ZNF557: variants seen among roughly 807,000 people sequenced by gnomAD.
ZNF557 encodes the protein zinc finger protein 557.
ZNF557 carries 19 observed loss-of-function variants against 21.2 expected under a neutral mutation model. The ratio of observed to expected loss-of-function variants is 0.90; its 90% CI spans 0.63 to 1.32. The LOEUF (loss-of-function observed/expected upper bound fraction) is 1.32, where lower values mean the gene tolerates loss of function less well. ZNF557 is among the 40% of genes most tolerant of loss of function. The probability of loss-of-function intolerance (pLI) is 0.00; values close to 1 mark genes in which losing one functional copy is unlikely to be tolerated. For missense variants in ZNF557, 487 were observed against 519.8 expected (o/e 0.94, Z 0.61); for synonymous variants, 207 against 194.8 (o/e 1.06, Z -0.52).
Position 7,081,985 on chromosome 19 carries a change from T to A in ZNF557, c.359T>A (p.Phe120Tyr). 8 of 1,613,888 alleles carry A rather than the reference T, an allele frequency of 5.0e-6. No homozygotes were observed. Among genetic ancestry groups the A allele is most frequent in the Non-Finnish European group, 6.8e-6 (8 of 1,179,806 alleles). ...SGTCPDVENPFKAKGLTPKLH... is the reference protein window; with the variant it reads ...SGTCPDVENPYKAKGLTPKLH... ...CTTGTTTCAGATGTGGAGAATCCAT[T>A]TAAAGCCAAAGGGTTAACTCCTAAG... is the stretch of plus-strand genomic sequence containing the variant. Residue 120 changes from phenylalanine (F) to tyrosine (Y), a missense_variant, in exon 7 of 8, where the codon TTT (phenylalanine) becomes TAT (tyrosine). By Grantham distance (22) the Phe-to-Tyr change is conservative. Coordinates refer to ENST00000252840, the MANE Select transcript of ZNF557 (RefSeq NM_024341.3).
chr19:7,081,150 G>GGTGTGTGTGTGT (rs531191945), intron 5 of ZNF557, among the ~76,000 whole-genome samples: 2 of 139,106 alleles, frequency 1.4e-5, no homozygotes, highest in African/African-American at 5.6e-5. Context: ...TTGCTTGTGG[G>GGTGTGTGTGTGT]GTGTGTGTGT....
rs369792019 is a variant in ZNF557, at chr19:7,081,930, T to A, written c.344-40T>A. The A allele has an allele frequency of 5.8e-6, 9 of 1,540,802 alleles. No individual in the cohort carries two copies. The African/African-American group carries it at 1.2e-4, about 21-fold the overall frequency. ...TTTCACCATCAACTTAAAATTTGCC[T>A]CTTTTCTATCAACTTAAATTTCTTT... On this transcript the variant is annotated intron_variant, in intron 6 of 7. Transcript: ENST00000252840.
chr19:7,072,729 T>G lies in ZNF557; in HGVS notation c.-80+2076T>G, dbSNP rs565672598. On this transcript the variant is annotated intron_variant, in intron 2 of 7. Transcript: ENST00000252840. Reference sequence around the variant, plus strand: ...TTCCTTCCAAGGCTTCCCAGTCCCCTTCTTCCCAGATCCTGGGTTGGATGC... The same window carrying G: ...TTCCTTCCAAGGCTTCCCAGTCCCCGTCTTCCCAGATCCTGGGTTGGATGC... Among the ~76,000 whole-genome samples the G allele has an allele frequency of 3.3e-5, 5 of 152,294 alleles. No homozygotes were observed. In the South Asian group the frequency reaches 1.0e-3, roughly 32 times the overall value.
At chr19:7,078,463 C>T (rs1235381282) in intron 5 of ZNF557, among the ~76,000 whole-genome samples, 1 of 149,562 alleles carries the variant, frequency 6.7e-6, no homozygotes, top group Non-Finnish European at 1.5e-5. Context: ...CGGAGTCTCA[C>T]TCTGTCGCCC....
Position 7,085,998 on chromosome 19 carries a change from G to T in ZNF557, c.*2254G>T, listed in dbSNP as rs944914952. The T allele has an allele frequency of 2.0e-5, 3 of 152,030 alleles. No homozygotes were observed. Among genetic ancestry groups the T allele is most frequent in the Non-Finnish European group, 2.9e-5 (2 of 68,024 alleles). 9.4% of individuals were successfully genotyped at this position (152,030 alleles called of 1,614,324 possible). A position where few individuals can be genotyped will look rare whatever the true frequency, so the allele number is the denominator to read the frequency against. On this transcript the variant is annotated 3_prime_UTR_variant, in exon 8 of 8. Coordinates refer to ENST00000252840, the MANE Select transcript of ZNF557 (RefSeq NM_024341.3). Reference sequence around the variant, plus strand: ...TAAACCTAGCATTTTGGGAGGCTGAGGCGGGCAGATCACCGGAGGTAAGGA... The same window carrying T: ...TAAACCTAGCATTTTGGGAGGCTGATGCGGGCAGATCACCGGAGGTAAGGA...
At position 7,084,355 on chromosome 19, in the gene ZNF557, AT is replaced by A. The variant is rs113431612; in HGVS notation, c.*624del. 344 of 144,264 alleles carry A rather than the reference AT, an allele frequency of 2.4e-3. No homozygotes were observed. The highest frequency in any genetic ancestry group is 3.6e-3 in the Non-Finnish European group (233 of 65,524). The allele number at this position is 144,264 out of a possible 1,614,324, so 8.9% of individuals were successfully genotyped here. ...GGAGGAAAGCCTTCAGCTGACCCTC[AT>A]TTTTTTTTTTTTAAGACAATGTCTC... On this transcript the variant is annotated 3_prime_UTR_variant, in exon 8 of 8. Coordinates refer to ENST00000252840, the MANE Select transcript of ZNF557 (RefSeq NM_024341.3).
intron 5 of ZNF557, among the ~76,000 whole-genome samples, chr19:7,080,306 G>T (rs1448188185): frequency 6.6e-6 from 1 of 151,964 alleles, no homozygotes; most frequent in Non-Finnish European, 1.5e-5. Context: ...TCCATCTTGT[G>T]GGGGAAAAGA....
chr19:7,075,573 G>A (rs981765828), intron 3 of ZNF557, 82 bp from the exon 4 acceptor site: 49 of 1,392,346 alleles, frequency 3.5e-5, no homozygotes, highest in African/African-American at 1.7e-4. Flanking sequence ...CTGGTCGATC[G>A]CAGGCAGGTG....
At chr19:7,073,813 G>A (rs1330851716) in intron 2 of ZNF557, among the ~76,000 whole-genome samples, 1 of 152,170 alleles carries the variant, frequency 6.6e-6, no homozygotes, top group Non-Finnish European at 1.5e-5. Context: ...AAGGAAGCCA[G>A]GGCCTGAATG....
Position 7,074,802 on chromosome 19 carries a change from G to A in ZNF557, c.-79-194G>A, listed in dbSNP as rs140168699. Among the ~76,000 whole-genome samples, 392 of 84,204 alleles carry A rather than the reference G, an allele frequency of 4.7e-3. 2 individuals are homozygous for A. Among genetic ancestry groups the A allele is most frequent in the Middle Eastern group, 0.011 (2 of 182 alleles). 55.2% of individuals were successfully genotyped at this position (84,204 alleles called of 152,430 possible). ...GCAGGGCACGGACTGGAGGGGGGGT[G>A]TGACCGAGGCAGGGCACGGGCTGGA... On this transcript the variant is annotated intron_variant, in intron 2 of 7. Coordinates refer to ENST00000252840, the MANE Select transcript of ZNF557 (RefSeq NM_024341.3).
chr19:7,081,583 G>C, intron 6 of ZNF557, 128 bp downstream of exon 6: 1 of 674,560 alleles, frequency 1.5e-6, no homozygotes, highest in Non-Finnish European at 2.5e-6. Context: ...TTCCCAAGAA[G>C]GCCAAGAACG....
At chr19:7,081,735 C>G (rs1977711204) in intron 6 of ZNF557, among the ~76,000 whole-genome samples, 2 of 152,052 alleles carry the variant, frequency 1.3e-5, no homozygotes, top group Non-Finnish European at 2.9e-5. Flanking sequence ...AGTTTCAGTC[C>G]ACCTTGCCTT....
chr19:7,077,058 C>T (rs574917971), intron 5 of ZNF557, among the ~76,000 whole-genome samples: 1 of 149,164 alleles, frequency 6.7e-6, no homozygotes, highest in Non-Finnish European at 1.5e-5. Context: ...CAATTCTTGA[C>T]ATTTTATATA....
At chr19:7,073,157 G>GTTTTTTTTTTTT (rs552141577) in intron 2 of ZNF557, among the ~76,000 whole-genome samples, 6 of 136,042 alleles carry the variant, frequency 4.4e-5, no homozygotes, top group African/African-American at 8.3e-5. Context: ...GGTTTTTTTT[G>GTTTTTTTTTTTT]TTTTTTTTTT....
At chr19:7,069,962 G>A (rs770302027) in intron 1 of ZNF557, among the ~76,000 whole-genome samples, 189 bp downstream of exon 1, 1 of 152,240 alleles carries the variant, frequency 6.6e-6, no homozygotes, top group Non-Finnish European at 1.5e-5. Context: ...CACCCGGGGC[G>A]ATTCTGCGCC....
chr19:7,081,606 C>G lies in ZNF557; in HGVS notation c.343+151C>G, dbSNP rs1177596508. 4 of 622,952 alleles carry G rather than the reference C, an allele frequency of 6.4e-6. No individual in the cohort carries two copies. The East Asian group carries it at 1.1e-4, about 17-fold the overall frequency. The allele number at this position is 622,952 out of a possible 1,614,324, so 38.6% of individuals were successfully genotyped here. On this transcript the variant is annotated intron_variant, in intron 6 of 7. Transcript: ENST00000252840. ...AAGGCCAAGAACGTTTGGTCTGAGC[C>G]CCCTCATGTACCTTCATGACTTCCA...
At position 7,082,885 on chromosome 19, in the gene ZNF557, A is replaced by T. The variant is rs1229118573; in HGVS notation, c.434A>T (p.Asn145Ile). The T allele has an allele frequency of 2.5e-6, 4 of 1,572,444 alleles. No individual in the cohort carries two copies. Among genetic ancestry groups the T allele is most frequent in the Non-Finnish European group, 1.7e-6 (2 of 1,159,030 alleles). Reference sequence around the variant, plus strand: ...TCATCTCTTAATCAATAGGAGAGGAATCATCTTGGAGCAACACTCAACGAA... The same window carrying T: ...TCATCTCTTAATCAATAGGAGAGGATTCATCTTGGAGCAACACTCAACGAA... ...EQSRNMKMER[N>I]HLGATLNECN... is the part of the protein sequence containing the mutation. The change falls in exon 8 of 8, where the codon AAT becomes ATT. Residue 145 changes from asparagine to isoleucine, a missense_variant. Asn to Ile is a moderately radical substitution (Grantham distance 149, BLOSUM62 -3). Transcript: ENST00000252840.
rs928650152 is a variant in ZNF557 at position 7,086,902 on chromosome 19, G to C, written c.*3158G>C. The C allele has an allele frequency of 6.6e-6, 1 of 151,956 alleles. No individual in the cohort carries two copies. The highest frequency in any genetic ancestry group is 2.4e-5 in the African/African-American group (1 of 41,388). The allele number at this position is 151,956 out of a possible 1,614,324, so 9.4% of individuals were successfully genotyped here. On this transcript the variant is annotated 3_prime_UTR_variant, in exon 8 of 8. Coordinates refer to ENST00000252840, the MANE Select transcript of ZNF557 (RefSeq NM_024341.3). ...AAATTAGCTGGGCGTGATGACAGGT[G>C]CCTGTAATCCCAGCTACTTGGGAGG...
At chr19:7,081,204 TG>T (rs1977698219) in intron 5 of ZNF557, among the ~76,000 whole-genome samples, 155 bp from the exon 6 acceptor site, 1 of 146,350 alleles carries the variant, frequency 6.8e-6, no homozygotes, top group Non-Finnish European at 1.5e-5. Flanking sequence ...TGTGTGTGAG[TG>T]TTTAAGACGG....
Sources: allele counts gnomAD v4.1 joint callset (sites outside exome capture counted in the v4.1 genomes callset), GRCh38; gene constraint gnomAD v4.1.1; transcripts MANE v1.5; gene names NCBI Gene and HGNC (gene_info 2026-07-23, HGNC 2026-07-21).